Variants in CAMTA1 observed in about 807,000 individuals in gnomAD.
The protein encoded by CAMTA1 is calmodulin-binding transcription activator 1.
A neutral mutation model predicts 170.9 loss-of-function variants in CAMTA1; 27 were observed. The observed-to-expected ratio is 0.16, with a 90% CI of 0.12 to 0.22. The LOEUF is 0.22. CAMTA1 is among the 10% of genes least tolerant of loss of function. The pLI, the probability that CAMTA1 is intolerant of heterozygous loss-of-function variation, is 1.00. For missense variants in CAMTA1, 1,619 were observed against 2,217.2 expected (o/e 0.73, Z 5.42); for synonymous variants, 833 against 891.5 (o/e 0.93, Z 1.17).
chr1:7,128,044 G>A (rs1645033554), intron 4 of CAMTA1, among the ~76,000 whole-genome samples: 1 of 152,234 alleles, frequency 6.6e-6, no homozygotes, highest in Non-Finnish European at 1.5e-5. Flanking sequence ...GTGCTAAGCA[G>A]AGGATGCCTA....
intron 6 of CAMTA1, among the ~76,000 whole-genome samples, chr1:7,620,673 G>C (rs896752628): frequency 6.6e-6 from 1 of 152,134 alleles, no homozygotes; most frequent in African/African-American, 2.4e-5. Flanking sequence ...CACAGAGCAG[G>C]TACCTCATAA....
intron 6 of CAMTA1, among the ~76,000 whole-genome samples, chr1:7,596,113 A>G (rs1349628701): frequency 6.6e-6 from 1 of 152,218 alleles, no homozygotes; most frequent in Non-Finnish European, 1.5e-5. Context: ...GGGCCGCTGC[A>G]ATAAGTGACA....
chr1:7,467,689 C>T (rs1314540527), intron 5 of CAMTA1, 141 bp from the exon 6 acceptor site: 1 of 796,402 alleles, frequency 1.3e-6, no homozygotes, highest in African/African-American at 1.7e-5. Flanking sequence ...GAGCTGGAGC[C>T]AGACGCAGAG....
intron 3 of CAMTA1, among the ~76,000 whole-genome samples, chr1:6,939,695 C>A (rs1386815552): frequency 6.6e-6 from 1 of 152,232 alleles, no homozygotes; most frequent in African/African-American, 2.4e-5. Context: ...AGCACAGAAG[C>A]CCTTCTTGCT....
At chr1:7,106,840 A>G (rs1643637721) in intron 4 of CAMTA1, among the ~76,000 whole-genome samples, 1 of 152,004 alleles carries the variant, frequency 6.6e-6, no homozygotes, top group African/African-American at 2.4e-5. Flanking sequence ...CAACAAGCAG[A>G]TGGCTTAATA....
chr1:7,606,386 A>T (rs2095486963), intron 6 of CAMTA1, among the ~76,000 whole-genome samples: 1 of 152,210 alleles, frequency 6.6e-6, no homozygotes, highest in Non-Finnish European at 1.5e-5. Context: ...CACTCCCTCT[A>T]GAGGCTCAGA....
At chr1:6,832,027 A>G (rs1436739882) in intron 3 of CAMTA1, among the ~76,000 whole-genome samples, 2 of 151,990 alleles carry the variant, frequency 1.3e-5, no homozygotes, top group Non-Finnish European at 2.9e-5. Context: ...TAACACTGTA[A>G]GAATTATTAA....
At chr1:7,475,320 C>T (rs2093403363) in intron 6 of CAMTA1, among the ~76,000 whole-genome samples, 1 of 152,118 alleles carries the variant, frequency 6.6e-6, no homozygotes, top group Non-Finnish European at 1.5e-5. Context: ...CTCCACGGCT[C>T]CCACCAAATG....
chr1:6,872,869 A>C (rs915079086), intron 3 of CAMTA1, among the ~76,000 whole-genome samples: 1 of 152,230 alleles, frequency 6.6e-6, no homozygotes, highest in Non-Finnish European at 1.5e-5. Flanking sequence ...TTTAATGCTG[A>C]TGTTTTAATT....
intron 11 of CAMTA1, among the ~76,000 whole-genome samples, chr1:7,707,499 C>T (rs1460437055): frequency 1.3e-5 from 2 of 152,106 alleles, no homozygotes; most frequent in East Asian, 3.9e-4. Context: ...CCTCAGTCTC[C>T]TGGGTAGCTG....
chr1:7,056,881 C>G (rs747431555), intron 3 of CAMTA1, among the ~76,000 whole-genome samples: 3 of 152,184 alleles, frequency 2.0e-5, no homozygotes, highest in African/African-American at 7.2e-5. Flanking sequence ...GAGAGCCGAT[C>G]GTCTCATCTC....
chr1:7,232,313 T>C (rs1467940230), intron 4 of CAMTA1, among the ~76,000 whole-genome samples: 1 of 152,170 alleles, frequency 6.6e-6, no homozygotes, highest in African/African-American at 2.4e-5. Flanking sequence ...TCAGCACTCA[T>C]GGCCGGCTCT....
intron 6 of CAMTA1, among the ~76,000 whole-genome samples, chr1:7,614,132 G>A (rs1235910303): frequency 6.6e-6 from 1 of 152,016 alleles, no homozygotes; most frequent in Non-Finnish European, 1.5e-5. Flanking sequence ...GAGGAGAGGA[G>A]ATTTTGGCAG....
intron 4 of CAMTA1, among the ~76,000 whole-genome samples, chr1:7,217,028 G>T (rs1310461436): frequency 1.3e-5 from 2 of 151,912 alleles, no homozygotes; most frequent in Non-Finnish European, 2.9e-5. Flanking sequence ...TTAGTTTTAG[G>T]CTTTCTGAAT....
intron 6 of CAMTA1, among the ~76,000 whole-genome samples, chr1:7,568,997 T>C (rs111067969): frequency 0.015 from 2,196 of 150,876 alleles, 42 homozygotes; most frequent in South Asian, 0.053. Context: ...TCCATCATCA[T>C]GATCCCTATC....
rs1672422836 is a variant in CAMTA1 at position 7,286,895 on chromosome 1, T to C, written c.438+37269T>C. Among the ~76,000 whole-genome samples the C allele has an allele frequency of 6.6e-6, 1 of 152,212 alleles. No homozygotes were observed. The highest frequency in any genetic ancestry group is 2.1e-4 in the South Asian group (1 of 4,836). On this transcript the variant is annotated intron_variant, in intron 5 of 22. Transcript: ENST00000303635. The surrounding 1 kb of genome is among the most constrained non-coding windows in gnomAD (Gnocchi z 4.2). Reference sequence around the variant, plus strand: ...GTGCTCTGAGGACTCCAGATTGTTATGGAGAGTTTAGCTCAGTGCCTTCCA... The same window carrying C: ...GTGCTCTGAGGACTCCAGATTGTTACGGAGAGTTTAGCTCAGTGCCTTCCA...
intron 3 of CAMTA1, among the ~76,000 whole-genome samples, chr1:6,936,123 T>G (rs1465462969): frequency 1.3e-5 from 2 of 152,226 alleles, no homozygotes; most frequent in Non-Finnish European, 2.9e-5. Context: ...CTGACTGAGG[T>G]GGAAAGCATC....
chr1:7,458,811 C>T (rs1044559829), intron 5 of CAMTA1, among the ~76,000 whole-genome samples: 2 of 152,242 alleles, frequency 1.3e-5, no homozygotes, highest in Non-Finnish European at 2.9e-5. Context: ...AGAGGCCAGG[C>T]TAGAGCCCTG....
At chr1:7,302,165 G>A (rs1674865857) in intron 5 of CAMTA1, among the ~76,000 whole-genome samples, 1 of 124,906 alleles carries the variant, frequency 8.0e-6, no homozygotes. Context: ...CTTTGGTGGG[G>A]GTGGGGGGTC....
Sources: gnomAD v4.1 joint callset for allele counts (sites outside exome capture counted in the v4.1 genomes callset) on GRCh38, gnomAD v4.1.1 for gene constraint, Gnocchi (gnomAD v3.1) non-coding constraint, MANE v1.5 for transcripts, NCBI Gene and HGNC (gene_info 2026-07-23, HGNC 2026-07-21) for gene names.